The following NUP188 variants were observed in gnomAD, a reference collection of about 807,000 sequenced individuals.
NUP188 encodes nucleoporin 188.
In NUP188, 97 loss-of-function variants were observed where a neutral mutation model predicts 223.0. That is an observed-to-expected ratio of 0.43 (90% CI 0.37 to 0.51). NUP188 has a LOEUF of 0.51. Among genes scored for constraint, NUP188 ranks in the 20% least tolerant of loss-of-function variants. The pLI is 0.00. For missense variants in NUP188, 1,947 were observed against 2,175.6 expected (o/e 0.89, Z 2.09); for synonymous variants, 869 against 828.0 (o/e 1.05, Z -0.85).
chr9:128,988,216 G>T (rs1241318541), intron 24 of NUP188, 30 bp downstream of exon 24: 1 of 1,611,532 alleles, frequency 6.2e-7, no homozygotes, highest in Non-Finnish European at 8.5e-7. Flanking sequence ...TCACAACATG[G>T]TATGTATTTC....
intron 8 of NUP188, among the ~76,000 whole-genome samples, chr9:128,962,247 T>TC (rs1279640719): frequency 1.4e-5 from 2 of 144,684 alleles, no homozygotes; most frequent in African/African-American, 2.6e-5. Flanking sequence ...CACACCATAC[T>TC]CTTTTTTTTT....
At chr9:128,955,716 A>G (rs1468344288) in intron 3 of NUP188, among the ~76,000 whole-genome samples, 3 of 151,662 alleles carry the variant, frequency 2.0e-5, no homozygotes, top group Non-Finnish European at 4.4e-5. Context: ...TCTTTTCACT[A>G]TAAGATGCTT....
At chr9:128,982,519 A>G in intron 15 of NUP188, 30 bp from the exon 16 acceptor site, 1 of 1,584,602 alleles carries the variant, frequency 6.3e-7, no homozygotes, top group Non-Finnish European at 8.6e-7. Context: ...TTATCCTCAG[A>G]TATTAGACTA....
At chr9:128,982,225 G>A (rs1403895082) in intron 15 of NUP188, among the ~76,000 whole-genome samples, 1 of 152,102 alleles carries the variant, frequency 6.6e-6, no homozygotes, top group Non-Finnish European at 1.5e-5. Flanking sequence ...GAAGCCAGGA[G>A]CTCAAGACCA....
At chr9:128,962,984 T>C (rs935568792) in intron 8 of NUP188, among the ~76,000 whole-genome samples, 1 of 152,222 alleles carries the variant, frequency 6.6e-6, no homozygotes, top group Admixed American at 6.5e-5. Context: ...ACACAATATG[T>C]AGAATTTTCT....
At chr9:128,988,446 G>A (rs922155431) in intron 24 of NUP188, among the ~76,000 whole-genome samples, 26 of 152,260 alleles carry the variant, frequency 1.7e-4, no homozygotes, top group African/African-American at 5.5e-4. Flanking sequence ...TTCAAATTTT[G>A]TATCCAATCA....
chr9:129,004,868 C>T (rs1385462562), intron 38 of NUP188: 3 of 513,432 alleles, frequency 5.8e-6, no homozygotes, highest in Non-Finnish European at 1.1e-5. Context: ...GGAGACAGTC[C>T]AGTCCTGAGC....
Position 129,002,937 on chromosome 9 carries a change from C to G in NUP188, c.4258C>G (p.Leu1420Val), listed in dbSNP as rs756635317. 2 of 1,614,090 alleles carry G rather than the reference C, an allele frequency of 1.2e-6. No individual in the cohort carries two copies. Among genetic ancestry groups the G allele is most frequent in the African/African-American group, 2.7e-5 (2 of 74,932 alleles). ...GCGCTACAACTTCCTGCCTGAGGCC[C>G]TGGACTTCGTGGGTGTCCACCAGGA... ...TLRYNFLPEALDFVGVHQERT... is the reference protein window; with the variant it reads ...TLRYNFLPEAVDFVGVHQERT... The change falls in exon 37 of 44, where the codon CTG (leucine) becomes GTG (valine). Residue 1420 changes from leucine to valine, a missense_variant. By Grantham distance (32) the Leu-to-Val change is conservative. Around this residue, in one of 3 missense-constraint regions of NUP188, gnomAD observed 905 missense variants for 990.6 expected, o/e 0.91. Transcript: ENST00000372577.
chr9:128,990,583 G>T (rs1023153054), intron 25 of NUP188, among the ~76,000 whole-genome samples: 1 of 151,988 alleles, frequency 6.6e-6, no homozygotes, highest in Non-Finnish European at 1.5e-5. Flanking sequence ...AAAATTAGGG[G>T]GCCGGGCATG....
chr9:128,990,160 C>A lies in NUP188; in HGVS notation c.2574C>A (p.Tyr858Ter). The change falls in exon 25 of 44, where the codon TAC (tyrosine) becomes TAA (stop). Residue 858 changes from tyrosine (Y) to a stop codon, truncating the protein, a stop_gained. Transcript: ENST00000372577. LOFTEE classifies it high-confidence loss of function. ...ACCTCATTGCTGTTCTAGCCAAATA[C>A]ATCTACCACAAACATGACCCTGCTT... Reference protein sequence around the residue: ...GNNLIAVLAKYIYHKHDPALP... With the variant: ...GNNLIAVLAK 1 of 1,614,198 alleles carries A rather than the reference C, an allele frequency of 6.2e-7. No homozygotes were observed. Among genetic ancestry groups the A allele is most frequent in the Non-Finnish European group, 8.5e-7 (1 of 1,180,004 alleles).
intron 38 of NUP188, chr9:129,003,778 G>C (rs1842721683): frequency 2.8e-6 from 1 of 359,016 alleles, no homozygotes; most frequent in Non-Finnish European, 5.2e-6. Flanking sequence ...TTCGAGATCA[G>C]CCTGGCCAAC....
chr9:128,993,805 A>T, intron 27 of NUP188, 111 bp downstream of exon 27: 1 of 948,154 alleles, frequency 1.1e-6, no homozygotes, highest in Non-Finnish European at 1.6e-6. Context: ...AAGAGTGCTT[A>T]GTCCTGGTTC....
intron 38 of NUP188, chr9:129,004,814 A>C: frequency 3.1e-6 from 1 of 317,516 alleles, no homozygotes; most frequent in Non-Finnish European, 5.8e-6. Context: ...CATCTTCTTT[A>C]CTTTAGGACC....
intron 3 of NUP188, among the ~76,000 whole-genome samples, chr9:128,955,512 T>G (rs1841856226): frequency 6.6e-6 from 1 of 152,204 alleles, no homozygotes. Context: ...TATATCAGTA[T>G]AGACTCAAAT....
In NUP188 at chr9:128,988,719, ATTTTTTTT is replaced by A. The variant is rs528821221; in HGVS notation, c.2533+553_2533+560del. ...ATTCCAGATTTTTTTTAATTTTTTA[ATTTTTTTT>A]TTTTTTTTTTTTTTTTTTTGAGACA... On this transcript the variant is annotated intron_variant, in intron 24 of 43. Transcript: ENST00000372577. 4.7e-3 allele frequency among the ~76,000 whole-genome samples: 340 copies of A among 72,892 alleles called. 1 individual carries two copies. Among genetic ancestry groups the A allele is most frequent in the African/African-American group, 9.7e-3 (212 of 21,876 alleles). The allele number at this position is 72,892 out of a possible 152,430, so 47.8% of individuals were successfully genotyped here. A position where few individuals can be genotyped will look rare whatever the true frequency, so the allele number is the denominator to read the frequency against.
At position 128,987,736 on chromosome 9, in the gene NUP188, G is replaced by C; in HGVS notation, c.2393+19G>C. 6.2e-7 allele frequency: 1 copy of C among 1,608,378 alleles called. No homozygotes were observed. Among genetic ancestry groups the C allele is most frequent in the Non-Finnish European group, 8.5e-7 (1 of 1,177,968 alleles). On this transcript the variant is annotated intron_variant, in intron 23 of 43. Coordinates refer to ENST00000372577, the MANE Select transcript of NUP188 (RefSeq NM_015354.3). ...CTCGAAGGTAGGGCTCCTTCTCCACGTTCCCTTTGTCTGTCTTTATTGTGC... is the reference window on the plus strand; with the variant it reads ...CTCGAAGGTAGGGCTCCTTCTCCACCTTCCCTTTGTCTGTCTTTATTGTGC...
Position 128,990,140 on chromosome 9 carries a change from A to G in NUP188, c.2554A>G (p.Ile852Val). The stretch of plus-strand genomic sequence containing the variant: ...TTTAGGTGCTCATGGAAACAACCTC[A>G]TTGCTGTTCTAGCCAAATACATCTA... ...SQHGAHGNNL[I>V]AVLAKYIYHK... The change falls in exon 25 of 44, where the codon ATT (isoleucine) becomes GTT (valine). Residue 852 changes from isoleucine (I) to valine (V), a missense_variant. By Grantham distance (29) the Ile-to-Val change is conservative. Around this residue, in one of 3 missense-constraint regions of NUP188, gnomAD observed 225 missense variants for 319.1 expected, o/e 0.71. Coordinates refer to ENST00000372577, the MANE Select transcript of NUP188 (RefSeq NM_015354.3). The G allele has an allele frequency of 1.2e-6, 2 of 1,613,928 alleles. No individual in the cohort carries two copies. The highest frequency in any genetic ancestry group is 1.7e-6 in the Non-Finnish European group (2 of 1,179,840).
intron 12 of NUP188, among the ~76,000 whole-genome samples, chr9:128,977,785 C>T (rs748371741): frequency 4.6e-5 from 7 of 151,858 alleles, no homozygotes; most frequent in African/African-American, 1.7e-4. Context: ...GGTGAAAGAC[C>T]GAAACTTCAT....
At chr9:128,964,734 C>G (rs1330968931) in intron 8 of NUP188, among the ~76,000 whole-genome samples, 1 of 144,318 alleles carries the variant, frequency 6.9e-6, no homozygotes. Context: ...TTGAGACGCT[C>G]TCACTCAGTC....
Sources: allele counts gnomAD v4.1 joint callset (sites outside exome capture counted in the v4.1 genomes callset), GRCh38; gene constraint gnomAD v4.1.1; regional missense constraint gnomAD v4.1.1; transcripts MANE v1.5; gene names NCBI Gene and HGNC (gene_info 2026-07-23, HGNC 2026-07-21).